The following FSTL5 variants were observed in gnomAD, a reference collection of about 807,000 sequenced individuals.
FSTL5 encodes the protein follistatin like 5.
Under a neutral mutation model 89.1 loss-of-function variants are expected in FSTL5, and 62 were observed. The ratio of observed to expected loss-of-function variants is 0.70; its 90% CI spans 0.57 to 0.86. FSTL5 has a LOEUF of 0.86. Ranked by LOEUF, FSTL5 falls within the 40% of genes least tolerant of loss-of-function variation. The pLI is 0.00. For missense variants in FSTL5, 1,057 were observed against 1,001.6 expected, an observed-to-expected ratio of 1.06 and a Z score of -0.75; for synonymous variants, 383 against 346.2, an observed-to-expected ratio of 1.11 and a Z score of -1.18.
chr4:161,718,716 C>T (rs1316744220), intron 6 of FSTL5, among the ~76,000 whole-genome samples: 3 of 152,152 alleles, frequency 2.0e-5, no homozygotes, highest in Non-Finnish European at 4.4e-5. Context: ...GTGTGAGCCA[C>T]CATGTCCTGC....
Position 161,385,565 on chromosome 4 carries a change from C to T in FSTL5, c.*182G>A. 3 of 524,384 alleles carry T rather than the reference C, an allele frequency of 5.7e-6. No homozygotes were observed. Among genetic ancestry groups the T allele is most frequent in the South Asian group, 3.3e-5 (1 of 30,474 alleles). 32.5% of individuals were successfully genotyped at this position (524,384 alleles called of 1,614,324 possible). A position where few individuals can be genotyped will look rare whatever the true frequency, so the allele number is the denominator to read the frequency against. On this transcript the variant is annotated 3_prime_UTR_variant, in exon 16 of 16. Transcript: ENST00000306100. ...ATTGTGCTGAGTATTTCTAATTAAC[C>T]AATATAATTAATTGTGTATGTCTTA...
intron 2 of FSTL5, among the ~76,000 whole-genome samples, chr4:162,056,314 G>A (rs1738540557): frequency 6.6e-6 from 1 of 152,004 alleles, no homozygotes; most frequent in South Asian, 2.1e-4. Context: ...CAGATGATGA[G>A]TAATATTTTT....
chr4:161,575,480 A>T (rs13128091), intron 8 of FSTL5, among the ~76,000 whole-genome samples: 47,792 of 151,536 alleles, frequency 0.32, 8,116 homozygotes, highest in Non-Finnish European at 0.38. Context: ...TGTGAGACAG[A>T]GTCTCACTCT....
chr4:161,836,836 A>G (rs532694298), intron 4 of FSTL5, among the ~76,000 whole-genome samples: 1 of 152,060 alleles, frequency 6.6e-6, no homozygotes, highest in African/African-American at 2.4e-5. Flanking sequence ...GCAGAAAATA[A>G]TTTTTTTCAA....
chr4:161,834,423 T>A (rs1054025621), intron 4 of FSTL5, among the ~76,000 whole-genome samples: 79 of 152,228 alleles, frequency 5.2e-4, no homozygotes, highest in Admixed American at 1.2e-3. Flanking sequence ...ACCACTCCTA[T>A]TCAACATAGT....
chr4:161,818,208 C>G (rs1053272904), intron 4 of FSTL5, among the ~76,000 whole-genome samples: 5 of 152,130 alleles, frequency 3.3e-5, no homozygotes, highest in Admixed American at 1.3e-4. Context: ...GCAGTAGATA[C>G]GGAGTTTGGC....
chr4:162,042,703 T>C (rs1738012450), intron 2 of FSTL5, among the ~76,000 whole-genome samples: 1 of 152,054 alleles, frequency 6.6e-6, no homozygotes, highest in East Asian at 1.9e-4. Flanking sequence ...ATTAGAAACA[T>C]TTATTTCTCA....
chr4:161,951,556 C>T (rs1184896858), intron 3 of FSTL5, among the ~76,000 whole-genome samples: 1 of 152,056 alleles, frequency 6.6e-6, no homozygotes, highest in Non-Finnish European at 1.5e-5. Flanking sequence ...CAACGTTCTA[C>T]ATCTTAGAAG....
At chr4:161,837,239 C>G (rs1421052207) in intron 4 of FSTL5, among the ~76,000 whole-genome samples, 1 of 151,948 alleles carries the variant, frequency 6.6e-6, no homozygotes, top group Non-Finnish European at 1.5e-5. Context: ...TTGAAAGATG[C>G]TTTCCTAAAA....
At chr4:162,159,181 C>A (rs1039213302) in intron 1 of FSTL5, among the ~76,000 whole-genome samples, 2 of 151,976 alleles carry the variant, frequency 1.3e-5, no homozygotes, top group Non-Finnish European at 1.5e-5. Flanking sequence ...GGTCCAACTA[C>A]AAAAGGTAAA....
intron 4 of FSTL5, among the ~76,000 whole-genome samples, chr4:161,835,294 A>G (rs1450776721): frequency 1.3e-5 from 2 of 152,172 alleles, no homozygotes; most frequent in Non-Finnish European, 2.9e-5. Context: ...CCTTATACAA[A>G]AATTAATTCA....
intron 4 of FSTL5, among the ~76,000 whole-genome samples, chr4:161,815,352 G>A (rs1278775789): frequency 6.6e-6 from 1 of 151,968 alleles, no homozygotes; most frequent in East Asian, 1.9e-4. Context: ...AAAATAGTGT[G>A]TTGCCTCTTT....
intron 4 of FSTL5, among the ~76,000 whole-genome samples, chr4:161,790,044 G>A (rs1035305238): frequency 6.6e-6 from 1 of 152,118 alleles, no homozygotes; most frequent in African/African-American, 2.4e-5. Flanking sequence ...TAAATAGGAT[G>A]TTATTATTTT....
chr4:161,552,954 TA>T (rs1166961417), intron 8 of FSTL5, among the ~76,000 whole-genome samples: 2 of 151,614 alleles, frequency 1.3e-5, no homozygotes, highest in Non-Finnish European at 1.5e-5. Flanking sequence ...GTGCACTCTA[TA>T]AACTTGTCTT....
At chr4:161,770,937 C>A (rs781245832) in intron 5 of FSTL5, among the ~76,000 whole-genome samples, 2 of 151,854 alleles carry the variant, frequency 1.3e-5, no homozygotes, top group South Asian at 2.1e-4. Flanking sequence ...AACACTCATG[C>A]GAGCTATATG....
chr4:161,410,226 A>G (rs1045963548), intron 15 of FSTL5, among the ~76,000 whole-genome samples: 1 of 152,242 alleles, frequency 6.6e-6, no homozygotes, highest in Admixed American at 6.5e-5. Flanking sequence ...ACCCAGATTC[A>G]TACAAGATAC....
intron 15 of FSTL5, among the ~76,000 whole-genome samples, chr4:161,441,392 T>A (rs886458523): frequency 6.6e-6 from 1 of 152,092 alleles, no homozygotes; most frequent in African/African-American, 2.4e-5. Context: ...TACAATTTAA[T>A]AAAGTTCAGT....
intron 6 of FSTL5, among the ~76,000 whole-genome samples, chr4:161,746,871 C>T (rs1382435555): frequency 6.6e-6 from 1 of 152,116 alleles, no homozygotes; most frequent in Non-Finnish European, 1.5e-5. Context: ...CCCAGTCCCC[C>T]AAATGCTTGC....
intron 7 of FSTL5, among the ~76,000 whole-genome samples, chr4:161,640,808 C>G (rs1390248105): frequency 6.6e-6 from 1 of 152,146 alleles, no homozygotes; most frequent in Admixed American, 6.5e-5. Context: ...CCAAGAGTCT[C>G]CACAAACTCC....
Sources: gnomAD v4.1 joint callset for allele counts (sites outside exome capture counted in the v4.1 genomes callset) on GRCh38, gnomAD v4.1.1 for gene constraint, MANE v1.5 for transcripts, NCBI Gene and HGNC (gene_info 2026-07-23, HGNC 2026-07-21) for gene names.